Variants in PTPN5 observed in about 807,000 individuals in gnomAD.
The protein encoded by PTPN5 is protein tyrosine phosphatase non-receptor type 5.
A neutral mutation model predicts 73.9 loss-of-function variants in PTPN5; 29 were observed. The observed-to-expected ratio is 0.39, with a 90% CI of 0.29 to 0.54. PTPN5 has a LOEUF of 0.54. PTPN5 is among the 20% of genes least tolerant of loss of function. PTPN5 has a pLI of 0.65. For synonymous variants in PTPN5, 267 were observed against 304.7 expected (o/e 0.88, Z 1.29); for missense variants, 652 against 751.4 (o/e 0.87, Z 1.55).
At chr11:18,785,497 G>A (rs1339022291) in intron 1 of PTPN5, among the ~76,000 whole-genome samples, 2 of 152,136 alleles carry the variant, frequency 1.3e-5, no homozygotes, top group Non-Finnish European at 2.9e-5. Flanking sequence ...TAAAATGATG[G>A]TTCATCTTAC....
chr11:18,769,023 C>A (rs375204474), intron 2 of PTPN5, among the ~76,000 whole-genome samples: 5 of 152,306 alleles, frequency 3.3e-5, no homozygotes, highest in East Asian at 1.9e-4. Context: ...CCACTGCTTC[C>A]CTTATAACCA....
intron 3 of PTPN5, among the ~76,000 whole-genome samples, chr11:18,756,848 CG>C (rs1162970839): frequency 4.7e-5 from 7 of 149,990 alleles, no homozygotes; most frequent in Non-Finnish European, 1.0e-4. Flanking sequence ...TGCTTAAACC[CG>C]GGAGGTGGAG....
Position 18,728,902 on chromosome 11 carries a change from A to G in PTPN5, c.*32T>C, listed in dbSNP as rs896316355. The G allele has an allele frequency of 2.1e-5, 34 of 1,600,850 alleles. No homozygotes were observed. In the Admixed American group the frequency reaches 4.0e-4, roughly 19 times the overall value. On this transcript the variant is annotated 3_prime_UTR_variant, in exon 15 of 15. Coordinates refer to ENST00000358540, the MANE Select transcript of PTPN5 (RefSeq NM_006906.2). This position sits in a 1 kb window ranked among gnomAD's most constrained non-coding sequence, Gnocchi z 4.1. ...GTGAGGGCCGAGACTCAGGCTGGGC[A>G]GTGCCCAGAGAACCTTGTAGGAGAA...
At chr11:18,769,678 A>G (rs1850789645) in intron 2 of PTPN5, among the ~76,000 whole-genome samples, 3 of 152,240 alleles carry the variant, frequency 2.0e-5, no homozygotes, top group African/African-American at 7.2e-5. Context: ...TACTGGGATT[A>G]CAGGCGTGAG....
At chr11:18,746,688 C>T (rs990131666) in intron 3 of PTPN5, among the ~76,000 whole-genome samples, 1 of 152,112 alleles carries the variant, frequency 6.6e-6, no homozygotes, top group Non-Finnish European at 1.5e-5. Context: ...AATCTAAGTG[C>T]CAATGGAGTC....
At position 18,733,773 on chromosome 11, in the gene PTPN5, T is replaced by C. The variant is rs368330018; in HGVS notation, c.1001-138A>G. On this transcript the variant is annotated intron_variant, in intron 9 of 14. Coordinates refer to ENST00000358540, the MANE Select transcript of PTPN5 (RefSeq NM_006906.2). The surrounding 1 kb of genome is among the most constrained non-coding windows in gnomAD (Gnocchi z 4.3). ...CCTTCCCTTGCCCAGCAGCAAAACA[T>C]TGACCCATTCATGGTTCATTTTGTA... is the stretch of plus-strand genomic sequence containing the variant. 8.6e-5 allele frequency: 66 copies of C among 763,826 alleles called. No individual in the cohort carries two copies. In the African/African-American group the frequency reaches 9.0e-4, roughly 10 times the overall value. The allele number at this position is 763,826 out of a possible 1,614,324, so 47.3% of individuals were successfully genotyped here.
Position 18,733,280 on chromosome 11 carries a change from G to A in PTPN5, c.1173C>T (p.His391=). The A allele has an allele frequency of 6.2e-7, 1 of 1,614,070 alleles. No individual in the cohort carries two copies. The highest frequency in any genetic ancestry group is 8.5e-7 in the Non-Finnish European group (1 of 1,179,984). Residue 391 remains histidine (H), a synonymous_variant, in exon 11 of 15, where the codon CAC becomes CAT. Coordinates refer to ENST00000358540, the MANE Select transcript of PTPN5 (RefSeq NM_006906.2). This position sits in a 1 kb window ranked among gnomAD's most constrained non-coding sequence, Gnocchi z 4.3. The part of the protein sequence containing the change: ...ADFWRMVWQE[H]TPIIVMITNI... ...TGGTGATCATGACAATGATGGGCGT[G>A]TGCTCCTGCCACACCATGCGCCAGA...
At chr11:18,769,696 G>A (rs768274738) in intron 2 of PTPN5, among the ~76,000 whole-genome samples, 4 of 152,222 alleles carry the variant, frequency 2.6e-5, no homozygotes, top group African/African-American at 7.2e-5. Context: ...GAGCCACCGC[G>A]CCCGGCCAGG....
chr11:18,738,290 C>T (rs529535707), intron 8 of PTPN5, among the ~76,000 whole-genome samples: 6 of 152,308 alleles, frequency 3.9e-5, no homozygotes, highest in East Asian at 1.9e-4. Flanking sequence ...GCTCCCTGGG[C>T]AGCATTCCTC....
intron 3 of PTPN5, among the ~76,000 whole-genome samples, chr11:18,751,039 A>G (rs186579094): frequency 6.6e-6 from 1 of 152,278 alleles, no homozygotes. Context: ...AGAAGGGCGG[A>G]GTGGTGGAAG....
chr11:18,785,223 C>T (rs929729997), intron 1 of PTPN5, among the ~76,000 whole-genome samples: 3 of 152,144 alleles, frequency 2.0e-5, no homozygotes, highest in Non-Finnish European at 4.4e-5. Context: ...CTTTAACCAC[C>T]TTGATCCCAT....
chr11:18,749,283 C>T lies in PTPN5; in HGVS notation c.98-5084G>A, dbSNP rs1590536688. 6 of 458,888 alleles carry T rather than the reference C, an allele frequency of 1.3e-5. No homozygotes were observed. In the East Asian group the frequency reaches 3.5e-4, roughly 27 times the overall value. 28.4% of individuals were successfully genotyped at this position (458,888 alleles called of 1,614,324 possible). A position where few individuals can be genotyped will look rare whatever the true frequency, so the allele number is the denominator to read the frequency against. On this transcript the variant is annotated intron_variant, in intron 3 of 14. Coordinates refer to ENST00000358540, the MANE Select transcript of PTPN5 (RefSeq NM_006906.2). ...TAACATTGGGCTCCTCATGGACTCACCTCTTGCACAGGATGATGGGATTTT... is the reference window on the plus strand; with the variant it reads ...TAACATTGGGCTCCTCATGGACTCATCTCTTGCACAGGATGATGGGATTTT...
At chr11:18,749,128 C>T (rs1017443228) in intron 3 of PTPN5, among the ~76,000 whole-genome samples, 2 of 152,228 alleles carry the variant, frequency 1.3e-5, no homozygotes, top group Admixed American at 1.3e-4. Context: ...ACACGATCAT[C>T]GTCAGCCCTG....
intron 3 of PTPN5, among the ~76,000 whole-genome samples, chr11:18,759,839 G>A (rs1452896124): frequency 6.6e-6 from 1 of 152,048 alleles, no homozygotes; most frequent in Non-Finnish European, 1.5e-5. Context: ...TGTCCATTTG[G>A]GCTTCTGCAC....
chr11:18,728,833 G>T lies in PTPN5; in HGVS notation c.*101C>A. ...GAGGACAGAGGGAGCTGACTGAAGG[G>T]GAGGAAGCGGGGAGCAGGCCCAGGA... On this transcript the variant is annotated 3_prime_UTR_variant, in exon 15 of 15. Transcript: ENST00000358540. This position sits in a 1 kb window ranked among gnomAD's most constrained non-coding sequence, Gnocchi z 4.1. 9.0e-7 allele frequency: 1 copy of T among 1,107,188 alleles called. No homozygotes were observed. The highest frequency in any genetic ancestry group is 1.3e-6 in the Non-Finnish European group (1 of 761,576). The allele number at this position is 1,107,188 out of a possible 1,614,324, so 68.6% of individuals were successfully genotyped here.
intron 2 of PTPN5, among the ~76,000 whole-genome samples, chr11:18,768,242 C>T (rs1433705534): frequency 6.6e-6 from 1 of 152,212 alleles, no homozygotes; most frequent in Non-Finnish European, 1.5e-5. Flanking sequence ...GGGAGCTCTC[C>T]TCCACAGCTG....
chr11:18,749,593 G>A (rs1257307802), intron 3 of PTPN5: 1 of 479,950 alleles, frequency 2.1e-6, no homozygotes, highest in East Asian at 5.6e-5. Flanking sequence ...GTAGTATGGA[G>A]GGAAGGAAGC....
At chr11:18,753,597 C>T (rs1020967673) in intron 3 of PTPN5, among the ~76,000 whole-genome samples, 1 of 152,232 alleles carries the variant, frequency 6.6e-6, no homozygotes, top group Non-Finnish European at 1.5e-5. Flanking sequence ...GCTCTGGCTT[C>T]TTCCAGATCC....
At chr11:18,746,195 A>ATATATATT in intron 3 of PTPN5, among the ~76,000 whole-genome samples, 1 of 114,032 alleles carries the variant, frequency 8.8e-6, no homozygotes, top group Non-Finnish European at 1.8e-5. Context: ...ATATATATAC[A>ATATATATT]TTTTTTTTTT....
Sources: gnomAD v4.1 joint callset for allele counts (sites outside exome capture counted in the v4.1 genomes callset) on GRCh38, gnomAD v4.1.1 for gene constraint, Gnocchi (gnomAD v3.1) non-coding constraint, MANE v1.5 for transcripts, NCBI Gene and HGNC (gene_info 2026-07-23, HGNC 2026-07-21) for gene names.